The following CD163L1 variants were observed in gnomAD, a reference collection of about 807,000 sequenced individuals.
CD163L1 encodes CD163 molecule like 1, also known as scavenger receptor cysteine-rich type 1 protein M160.
A neutral mutation model predicts 165.4 loss-of-function variants in CD163L1; 124 were observed. The ratio of observed to expected loss-of-function variants is 0.75; its 90% CI spans 0.65 to 0.87. The LOEUF is 0.87. Among genes scored for constraint, CD163L1 ranks in the 40% least tolerant of loss-of-function variants. CD163L1 has a pLI of 0.00. For synonymous variants in CD163L1, 585 were observed against 662.2 expected (o/e 0.88, Z 1.79); for missense variants, 1,525 against 1,799.9 (o/e 0.85, Z 2.76).
chr12:7,439,310 T>C (rs1159720130), intron 2 of CD163L1: 2 of 1,570,028 alleles, frequency 1.3e-6, no homozygotes, highest in Non-Finnish European at 1.7e-6. Flanking sequence ...TTTTTAACTT[T>C]AATTCCTTTG....
the CD163L1 span, chr12:7,326,875 T>A: frequency 2.0e-5 from 26 of 1,304,512 alleles, no homozygotes; most frequent in Non-Finnish European, 2.5e-5. Context: ...TCACACAAAC[T>A]GTTATTAATA....
At chr12:7,383,075 G>A (rs753865664) in intron 8 of CD163L1, among the ~76,000 whole-genome samples, 127 of 152,284 alleles carry the variant, frequency 8.3e-4, no homozygotes, top group African/African-American at 2.9e-3. Context: ...CAGGGACACT[G>A]TGCACTTTCA....
At chr12:7,330,168 G>C in the CD163L1 span, among the ~76,000 whole-genome samples, 8 of 152,252 alleles carry the variant, frequency 5.3e-5, no homozygotes, top group East Asian at 1.3e-3. Context: ...TGGAAGGAAG[G>C]TCCTGCCTAT....
rs747958642 is a variant in CD163L1 at position 7,374,499 on chromosome 12, G to A, written c.3352C>T (p.Arg1118Cys). Reference sequence around the variant, plus strand: ...CTGCAGTCGTGCTGCCCCCAGCCGCGGGAAGGGCACTGCCACAAGTGGGAC... The same window carrying A: ...CTGCAGTCGTGCTGCCCCCAGCCGCAGGAAGGGCACTGCCACAAGTGGGAC... ...MESHLWQCPSRGWGQHDCRHK... is the reference protein window; with the variant it reads ...MESHLWQCPSCGWGQHDCRHK... The change falls in exon 13 of 20, where the codon CGC becomes TGC. Residue 1118 changes from arginine (R) to cysteine (C), a missense_variant. By Grantham distance (180) the Arg-to-Cys change is radical. Transcript: ENST00000313599. The surrounding 1 kb of genome is among the most constrained non-coding windows in gnomAD (Gnocchi z 5.4). The A allele has an allele frequency of 9.9e-6, 16 of 1,614,202 alleles. No homozygotes were observed. The highest frequency in any genetic ancestry group is 9.9e-5 in the South Asian group (9 of 91,076).
At position 7,373,487 on chromosome 12, in the gene CD163L1, T is replaced by TC. The variant is rs766524619; in HGVS notation, c.3562dup (p.Glu1188GlyfsTer12). 1.4e-5 allele frequency: 22 copies of TC among 1,614,134 alleles called. No individual in the cohort carries two copies. The African/African-American group carries it at 2.8e-4, about 21-fold the overall frequency. ...AGGGGCGAGGCTGACAACTCCATTC[T>TC]CCCCACAGCCCAGCTGCCTGCACAC... is the stretch of plus-strand genomic sequence containing the variant. On this transcript the variant is annotated frameshift_variant, in exon 14 of 20. Coordinates refer to ENST00000313599, the MANE Select transcript of CD163L1 (RefSeq NM_174941.6). LOFTEE classifies it high-confidence loss of function.
At position 7,348,632 on chromosome 12, in the gene CD163L1, G is replaced by GA. The variant is rs888080136; in HGVS notation, c.*25-1486dup. ...AGCCTCAGTTTTTACTTTATTAACTGAAAAAAAATGAGAATCTTAATAGTA... is the reference window on the plus strand; with the variant it reads ...AGCCTCAGTTTTTACTTTATTAACTGAAAAAAAAATGAGAATCTTAATAGTA... On this transcript the variant is annotated intron_variant, in intron 4 of 4. Transcript: ENST00000539726. Among the ~76,000 whole-genome samples the GA allele has an allele frequency of 1.3e-3, 195 of 151,412 alleles. 1 individual carries two copies. The highest frequency in any genetic ancestry group is 4.5e-3 in the African/African-American group (186 of 41,302).
chr12:7,440,038 C>T (rs764418615), intron 2 of CD163L1: 3 of 1,277,138 alleles, frequency 2.3e-6, no homozygotes, highest in Admixed American at 2.0e-5. Context: ...ACACACACCC[C>T]AGCAGCTCCT....
At chr12:7,385,003 A>G (rs1947487284) in intron 8 of CD163L1, among the ~76,000 whole-genome samples, 2 of 152,090 alleles carry the variant, frequency 1.3e-5, no homozygotes, top group African/African-American at 4.8e-5. Context: ...ACCTATCAAC[A>G]ATAACCTTGA....
At chr12:7,425,228 T>C (rs974257346) in intron 4 of CD163L1, among the ~76,000 whole-genome samples, 3 of 152,080 alleles carry the variant, frequency 2.0e-5, no homozygotes, top group African/African-American at 4.8e-5. Context: ...AAACAAGCAA[T>C]GGGGAAAGGA....
At chr12:7,365,670 C>T (rs1947001494) in intron 18 of CD163L1, among the ~76,000 whole-genome samples, 1 of 152,000 alleles carries the variant, frequency 6.6e-6, no homozygotes, top group African/African-American at 2.4e-5. Flanking sequence ...TGCTCAACAA[C>T]ACTAATAATC....
At chr12:7,401,261 G>A (rs1348282828) in intron 6 of CD163L1, among the ~76,000 whole-genome samples, 4 of 151,524 alleles carry the variant, frequency 2.6e-5, no homozygotes, top group African/African-American at 9.7e-5. Flanking sequence ...AACACTGCCT[G>A]GCACACCATA....
chr12:7,348,805 CTTG>C (rs954144346), intron 4 of CD163L1, among the ~76,000 whole-genome samples: 7 of 132,528 alleles, frequency 5.3e-5, no homozygotes, highest in African/African-American at 1.8e-4. Context: ...GTAATAAGTC[CTTG>C]TTATGTTTTT....
chr12:7,325,444 C>A, the CD163L1 span, among the ~76,000 whole-genome samples: 3 of 152,130 alleles, frequency 2.0e-5, no homozygotes, highest in Non-Finnish European at 4.4e-5. Flanking sequence ...GTCAGGAGTT[C>A]GAGACCAGCC....
In CD163L1 at chr12:7,347,491, T is replaced by C. The variant is rs1353507266; in HGVS notation, c.*25-344A>G. On this transcript the variant is annotated intron_variant, in intron 4 of 4. Coordinates refer to the CD163L1 transcript ENST00000539726. The surrounding 1 kb of genome is among the most constrained non-coding windows in gnomAD (Gnocchi z 4.2). The stretch of plus-strand genomic sequence containing the variant: ...GGTTAATTTCTAAGGTAAAAAGGAA[T>C]GGTCTCGGCCGGGCGCGGTGGCTCA... Among the ~76,000 whole-genome samples, 5 of 152,300 alleles carry C rather than the reference T, an allele frequency of 3.3e-5. No individual in the cohort carries two copies. Among genetic ancestry groups the C allele is most frequent in the Admixed American group, 3.3e-4 (5 of 15,296 alleles).
chr12:7,432,911 CACAA>C lies in CD163L1; in HGVS notation c.446-179_446-176del. Among the ~76,000 whole-genome samples the C allele has an allele frequency of 6.6e-6, 1 of 151,914 alleles. No individual in the cohort carries two copies. Among genetic ancestry groups the C allele is most frequent in the East Asian group, 1.9e-4 (1 of 5,172 alleles). ...TGAGGCTTTTTTCTAAACACAAATA[CACAA>C]ACAAAAAAAATCCTAGGTGAAAAAA... On this transcript the variant is annotated intron_variant, in intron 3 of 19. Coordinates refer to ENST00000313599, the MANE Select transcript of CD163L1 (RefSeq NM_174941.6). The surrounding 1 kb of genome is among the most constrained non-coding windows in gnomAD (Gnocchi z 4.2).
chr12:7,404,020 G>A, intron 5 of CD163L1, 165 bp from the exon 6 acceptor site: 2 of 507,842 alleles, frequency 3.9e-6, no homozygotes, highest in Non-Finnish European at 6.6e-6. Context: ...TTTAAAGATT[G>A]AAATTTTAAA....
In CD163L1 at chr12:7,400,450, T is replaced by C. The variant is rs1424188602; in HGVS notation, c.1409-1866A>G. On this transcript the variant is annotated intron_variant, in intron 6 of 19. Transcript: ENST00000313599. The surrounding 1 kb of genome is among the most constrained non-coding windows in gnomAD (Gnocchi z 4.1). ...AATGAAGTAGTGTATCCTGTTCTAG[T>C]ATAGGATAACTGGATAGTATAATGA... 3.3e-5 allele frequency among the ~76,000 whole-genome samples: 5 copies of C among 152,210 alleles called. No homozygotes were observed. The highest frequency in any genetic ancestry group is 1.2e-4 in the African/African-American group (5 of 41,452).
chr12:7,381,440 C>T (rs145294772), intron 8 of CD163L1, among the ~76,000 whole-genome samples: 1,880 of 151,548 alleles, frequency 0.012, 47 homozygotes, highest in African/African-American at 0.043. Flanking sequence ...AAATAAAACT[C>T]CCATTCAGCA....
At chr12:7,339,120 C>A in the CD163L1 span, among the ~76,000 whole-genome samples, 1 of 152,090 alleles carries the variant, frequency 6.6e-6, no homozygotes, top group Non-Finnish European at 1.5e-5. Context: ...GAAAATAATG[C>A]TTGCTCTTCT....
Sources: allele counts gnomAD v4.1 joint callset (sites outside exome capture counted in the v4.1 genomes callset), GRCh38; gene constraint gnomAD v4.1.1; non-coding constraint Gnocchi (gnomAD v3.1); transcripts MANE v1.5; gene names NCBI Gene and HGNC (gene_info 2026-07-23, HGNC 2026-07-21).